The following TAS2R1 variants were observed in gnomAD, a reference collection of about 807,000 sequenced individuals.
TAS2R1 encodes the protein taste 2 receptor member 1.
For synonymous variants in TAS2R1, 141 were observed against 134.2 expected (o/e 1.05, Z -0.35); for missense variants, 370 against 353.4 (o/e 1.05, Z -0.38).
chr5:9,878,666 T>C, the TAS2R1 span, among the ~76,000 whole-genome samples: 1 of 152,198 alleles, frequency 6.6e-6, no homozygotes, highest in African/African-American at 2.4e-5. Context: ...GTAGTAATCA[T>C]GTATGGGGAG....
chr5:9,756,989 A>G, the TAS2R1 span, among the ~76,000 whole-genome samples: 7 of 152,230 alleles, frequency 4.6e-5, no homozygotes, highest in African/African-American at 1.7e-4. Context: ...AAAATAAAGC[A>G]CACACATAAA....
At chr5:9,760,234 C>T in the TAS2R1 span, among the ~76,000 whole-genome samples, 2 of 152,176 alleles carry the variant, frequency 1.3e-5, no homozygotes, top group African/African-American at 4.8e-5. Context: ...GGACCTGGCT[C>T]AGCTGGAATT....
chr5:9,722,142 AAC>A, the TAS2R1 span, among the ~76,000 whole-genome samples: 3 of 152,188 alleles, frequency 2.0e-5, no homozygotes, highest in Non-Finnish European at 4.4e-5. Context: ...GTCTCTGGCC[AAC>A]AGCTGGTAAG....
the TAS2R1 span, among the ~76,000 whole-genome samples, chr5:9,768,029 C>T: frequency 2.6e-5 from 4 of 152,136 alleles, no homozygotes; most frequent in Admixed American, 6.5e-5. Context: ...TTCCTGAGGC[C>T]GACAGGCATG....
In TAS2R1 at chr5:9,683,149, G is replaced by A. The variant is rs187589019; in HGVS notation, c.-241-23568C>T. The stretch of plus-strand genomic sequence containing the variant: ...TTGTTTTTTTCCTGCAAACCTTTGG[G>A]TAATTTACATTATAGTATAATATGT... On this transcript the variant is annotated intron_variant, in intron 1 of 2. Transcript: ENST00000506620. 1.6e-3 allele frequency among the ~76,000 whole-genome samples: 239 copies of A among 151,870 alleles called. 5 individuals are homozygous for A. The highest frequency in any genetic ancestry group is 0.014 in the Admixed American group (218 of 15,248).
At chr5:9,883,877 C>T in the TAS2R1 span, 1 of 152,126 alleles carries the variant, frequency 6.6e-6, no homozygotes, top group East Asian at 1.9e-4. Flanking sequence ...AAACAGAATA[C>T]CGCAAAGTGG....
rs534128958 is a variant in TAS2R1 at position 9,701,109 on chromosome 5, C to T, written c.-242+11063G>A. On this transcript the variant is annotated intron_variant, in intron 1 of 2. Coordinates refer to the TAS2R1 transcript ENST00000506620. ...CGCTGGCAAATTAGTTTCTCAAAAG[C>T]GGAAGTGGGCAGAACAAATTATATT... is the stretch of plus-strand genomic sequence containing the variant. 2.6e-5 allele frequency among the ~76,000 whole-genome samples: 4 copies of T among 152,084 alleles called. No individual in the cohort carries two copies. In the East Asian group the frequency reaches 5.8e-4, roughly 22 times the overall value.
chr5:9,686,516 G>A (rs989686552), intron 1 of TAS2R1, among the ~76,000 whole-genome samples: 4 of 151,866 alleles, frequency 2.6e-5, no homozygotes, highest in African/African-American at 9.7e-5. Flanking sequence ...TCACACACTA[G>A]GCCTGCAATC....
At chr5:9,770,677 C>T in the TAS2R1 span, among the ~76,000 whole-genome samples, 2 of 151,872 alleles carry the variant, frequency 1.3e-5, no homozygotes, top group African/African-American at 4.8e-5. Flanking sequence ...AATGTGATTA[C>T]TTTCTTGATT....
the TAS2R1 span, among the ~76,000 whole-genome samples, chr5:9,781,243 T>C: frequency 1.3e-5 from 2 of 152,210 alleles, no homozygotes; most frequent in African/African-American, 4.8e-5. Context: ...TTGCTCTCAT[T>C]TGGTGGCAAC....
intron 2 of TAS2R1, among the ~76,000 whole-genome samples, chr5:9,636,220 T>C (rs1367438175): frequency 1.3e-5 from 2 of 152,112 alleles, no homozygotes; most frequent in Non-Finnish European, 2.9e-5. Context: ...GAGCAGATTA[T>C]TTATTTCCAT....
At chr5:9,843,878 C>G in the TAS2R1 span, among the ~76,000 whole-genome samples, 1 of 152,194 alleles carries the variant, frequency 6.6e-6, no homozygotes, top group Non-Finnish European at 1.5e-5. Context: ...CAAACTCATT[C>G]AGGCTTTGCA....
At chr5:9,849,786 ACT>A in the TAS2R1 span, among the ~76,000 whole-genome samples, 1 of 152,162 alleles carries the variant, frequency 6.6e-6, no homozygotes, top group African/African-American at 2.4e-5. Context: ...GAAGACTCAA[ACT>A]CAGCTCTCAG....
the TAS2R1 span, among the ~76,000 whole-genome samples, chr5:9,828,451 T>C: frequency 6.6e-6 from 1 of 152,176 alleles, no homozygotes; most frequent in Non-Finnish European, 1.5e-5. Context: ...TTACTACAAC[T>C]GAGGCCCAGG....
chr5:9,643,456 T>A (rs192653002), intron 2 of TAS2R1, among the ~76,000 whole-genome samples: 1 of 152,152 alleles, frequency 6.6e-6, no homozygotes, highest in Non-Finnish European at 1.5e-5. Flanking sequence ...GCAATTACCA[T>A]GAATGGAGCT....
intron 2 of TAS2R1, among the ~76,000 whole-genome samples, chr5:9,639,603 A>T (rs1423288531): frequency 6.6e-6 from 1 of 152,170 alleles, no homozygotes; most frequent in Non-Finnish European, 1.5e-5. Flanking sequence ...CTGTTCTGCC[A>T]TCCATGTGGA....
At chr5:9,729,765 A>G in the TAS2R1 span, among the ~76,000 whole-genome samples, 2 of 152,198 alleles carry the variant, frequency 1.3e-5, no homozygotes, top group African/African-American at 4.8e-5. Context: ...AATTGACAGA[A>G]ACAACAAGTG....
chr5:9,882,633 TATAA>T, the TAS2R1 span, among the ~76,000 whole-genome samples: 2 of 152,078 alleles, frequency 1.3e-5, no homozygotes, highest in East Asian at 3.9e-4. Context: ...TCTCAAAAAA[TATAA>T]ATAAATTAAT....
At chr5:9,714,542 T>C (rs1459986286), upstream of TAS2R1, among the ~76,000 whole-genome samples, 2 of 152,200 alleles carry the variant, frequency 1.3e-5, no homozygotes, top group Admixed American at 1.3e-4. Flanking sequence ...AGTACTCTGC[T>C]CTGTAAAGGA....
Sources: gnomAD v4.1 joint callset for allele counts (sites outside exome capture counted in the v4.1 genomes callset) on GRCh38, gnomAD v4.1.1 for gene constraint, MANE v1.5 for transcripts, NCBI Gene and HGNC (gene_info 2026-07-23, HGNC 2026-07-21) for gene names.